GALNT13: variants seen among roughly 807,000 people sequenced by gnomAD.
The protein encoded by GALNT13 is polypeptide N-acetylgalactosaminyltransferase 13, also known as UDP-GalNAc:polypeptide N-acetylgalactosaminyltransferase 13.
Under a neutral mutation model 64.2 loss-of-function variants are expected in GALNT13, and 28 were observed. The ratio of observed to expected loss-of-function variants is 0.44; its 90% CI spans 0.32 to 0.60. The LOEUF (loss-of-function observed/expected upper bound fraction) is 0.60. Ranked by LOEUF, GALNT13 falls within the 20% of genes least tolerant of loss-of-function variation. The pLI is 0.05. For synonymous variants in GALNT13, 214 were observed against 224.6 expected, an observed-to-expected ratio of 0.95 and a Z score of 0.42; for missense variants, 577 against 669.8, an observed-to-expected ratio of 0.86 and a Z score of 1.53.
the GALNT13 span, among the ~76,000 whole-genome samples, chr2:153,082,151 C>T: frequency 0.23 from 35,691 of 151,996 alleles, 4,353 homozygotes; most frequent in Non-Finnish European, 0.26. Flanking sequence ...CATGTGCCTG[C>T]TTGCCATTTG....
chr2:153,447,184 G>A, the GALNT13 span, among the ~76,000 whole-genome samples: 2 of 152,062 alleles, frequency 1.3e-5, no homozygotes, highest in Admixed American at 6.6e-5. Flanking sequence ...GTTTATTATT[G>A]CACCTAAACT....
chr2:153,166,621 A>ATGTGTGTGTGTGTGTGTGTG, the GALNT13 span, among the ~76,000 whole-genome samples: 6 of 122,748 alleles, frequency 4.9e-5, no homozygotes, highest in East Asian at 4.6e-4. Flanking sequence ...TGCCTACTGC[A>ATGTGTGTGTGTGTGTGTGTG]TGTGTGTGTG....
chr2:153,985,054 A>G (rs964831957), intron 3 of GALNT13, among the ~76,000 whole-genome samples: 8 of 152,014 alleles, frequency 5.3e-5, no homozygotes, highest in Non-Finnish European at 1.0e-4. Flanking sequence ...AAATGGGAAA[A>G]CAGTTCCATC....
the GALNT13 span, among the ~76,000 whole-genome samples, chr2:153,534,016 G>A: frequency 6.6e-6 from 1 of 151,848 alleles, no homozygotes; most frequent in Non-Finnish European, 1.5e-5. Context: ...TGGGATTACA[G>A]GCGTGAGCCA....
At chr2:153,074,728 TATA>T in the GALNT13 span, among the ~76,000 whole-genome samples, 2 of 152,192 alleles carry the variant, frequency 1.3e-5, no homozygotes, top group Non-Finnish European at 2.9e-5. Context: ...TTCAATTTGT[TATA>T]ATAGTGATTA....
At chr2:153,680,774 C>T in the GALNT13 span, among the ~76,000 whole-genome samples, 1 of 151,904 alleles carries the variant, frequency 6.6e-6, no homozygotes, top group Admixed American at 6.6e-5. Flanking sequence ...TTCTCTTACT[C>T]AAGACTGTAA....
chr2:153,519,379 G>A, the GALNT13 span, among the ~76,000 whole-genome samples: 1 of 152,152 alleles, frequency 6.6e-6, no homozygotes, highest in Admixed American at 6.5e-5. Flanking sequence ...AAGTTAAAAG[G>A]ATCAGGAAGA....
the GALNT13 span, among the ~76,000 whole-genome samples, chr2:153,258,776 C>T: frequency 2.0e-4 from 30 of 152,112 alleles, 1 homozygote; most frequent in Middle Eastern, 3.4e-3. Flanking sequence ...TTCCATATTT[C>T]GTCTTGTTAT....
intron 9 of GALNT13, among the ~76,000 whole-genome samples, chr2:154,356,688 C>T (rs908859429): frequency 3.9e-5 from 6 of 151,948 alleles, no homozygotes; most frequent in Non-Finnish European, 8.8e-5. Context: ...CATTAATTTA[C>T]TTACCTTTTT....
chr2:154,173,090 G>A (rs1685452832), intron 4 of GALNT13, among the ~76,000 whole-genome samples: 1 of 151,952 alleles, frequency 6.6e-6, no homozygotes, highest in East Asian at 1.9e-4. Context: ...CTGCGAAACT[G>A]TAGTAACCAA....
intron 4 of GALNT13, among the ~76,000 whole-genome samples, chr2:154,204,432 G>A (rs549916744): frequency 2.0e-5 from 3 of 152,074 alleles, no homozygotes; most frequent in South Asian, 2.1e-4. Context: ...ACATTTCAAG[G>A]CACGATAACT....
chr2:154,063,048 A>G (rs1700276254), intron 3 of GALNT13, among the ~76,000 whole-genome samples: 1 of 151,460 alleles, frequency 6.6e-6, no homozygotes, highest in Non-Finnish European at 1.5e-5. Flanking sequence ...TTTCTTATTT[A>G]TTTCTTTATT....
chr2:154,102,656 G>A (rs1702408663), intron 3 of GALNT13, among the ~76,000 whole-genome samples: 1 of 151,920 alleles, frequency 6.6e-6, no homozygotes, highest in Admixed American at 6.6e-5. Context: ...AACATGACGT[G>A]TTCCCCAAAG....
At chr2:153,469,948 C>G in the GALNT13 span, among the ~76,000 whole-genome samples, 2 of 152,156 alleles carry the variant, frequency 1.3e-5, no homozygotes, top group South Asian at 4.1e-4. Context: ...CCCAGAAATT[C>G]AGAGCTATTG....
chr2:154,080,398 G>A (rs1375830220), intron 3 of GALNT13, among the ~76,000 whole-genome samples: 1 of 151,596 alleles, frequency 6.6e-6, no homozygotes, highest in African/African-American at 2.4e-5. Context: ...ATTTAATGAA[G>A]TAAATAAAGG....
chr2:154,432,258 T>G (rs799767), intron 11 of GALNT13, among the ~76,000 whole-genome samples: 27,298 of 152,160 alleles, frequency 0.18, 2,562 homozygotes, highest in South Asian at 0.25. Flanking sequence ...TTGGAAAGTA[T>G]AACTGGATGT....
At chr2:153,706,007 CT>C in the GALNT13 span, among the ~76,000 whole-genome samples, 1 of 151,218 alleles carries the variant, frequency 6.6e-6, no homozygotes, top group African/African-American at 2.4e-5. Flanking sequence ...TATATATTTT[CT>C]TTTTTTTGAG....
the GALNT13 span, among the ~76,000 whole-genome samples, chr2:153,661,091 A>G: frequency 2.6e-5 from 4 of 152,282 alleles, no homozygotes; most frequent in South Asian, 4.1e-4. Flanking sequence ...GATTCTAGTT[A>G]CAGGTGAAAG....
At chr2:154,117,262 A>G (rs772296910) in intron 3 of GALNT13, among the ~76,000 whole-genome samples, 75 of 152,170 alleles carry the variant, frequency 4.9e-4, no homozygotes, top group Non-Finnish European at 9.7e-4. Context: ...GCATCCTTCA[A>G]TCCAATCAAG....
Sources: gnomAD v4.1 joint callset for allele counts (sites outside exome capture counted in the v4.1 genomes callset) on GRCh38, gnomAD v4.1.1 for gene constraint, MANE v1.5 for transcripts, NCBI Gene and HGNC (gene_info 2026-07-23, HGNC 2026-07-21) for gene names.